RANBP2: variants seen among roughly 807,000 people sequenced by gnomAD.
The protein encoded by RANBP2 is E3 SUMO-protein ligase RanBP2.
In RANBP2, 57 loss-of-function variants were observed where a neutral mutation model predicts 303.6. The ratio of observed to expected loss-of-function variants is 0.19; its 90% confidence interval spans 0.15 to 0.23. RANBP2 has a LOEUF of 0.23. Among genes scored for constraint, RANBP2 ranks in the 10% least tolerant of loss-of-function variants. The probability of loss-of-function intolerance (pLI) is 1.00; values close to 1 mark genes in which losing one functional copy is unlikely to be tolerated. For missense variants in RANBP2, 3,138 were observed against 3,780.8 expected (o/e 0.83, Z 4.46); for synonymous variants, 1,167 against 1,301.5 (o/e 0.90, Z 2.23).
At chr2:108,863,260 C>T in the RANBP2 span, among the ~76,000 whole-genome samples, 2 of 152,248 alleles carry the variant, frequency 1.3e-5, no homozygotes, top group South Asian at 4.1e-4. Context: ...TGCAATATTT[C>T]TAACAAAGCA....
chr2:108,780,093 A>G (rs1263590433), intron 25 of RANBP2, among the ~76,000 whole-genome samples: 1 of 151,932 alleles, frequency 6.6e-6, no homozygotes. Flanking sequence ...TATCCAAGGC[A>G]GTGACAGTCT....
chr2:108,783,333 TAAAAAAA>T (rs71381992), intron 28 of RANBP2, among the ~76,000 whole-genome samples: 218 of 41,418 alleles, frequency 5.3e-3, no homozygotes, highest in African/African-American at 0.013. Flanking sequence ...AGCCTGTCAT[TAAAAAAA>T]AAAAAAAAAA....
chr2:109,019,268 G>T, the RANBP2 span, among the ~76,000 whole-genome samples: 2 of 152,238 alleles, frequency 1.3e-5, no homozygotes, highest in African/African-American at 4.8e-5. Flanking sequence ...GCTCAGCCCA[G>T]TGCTCCTCTG....
the RANBP2 span, among the ~76,000 whole-genome samples, chr2:109,537,095 G>C: frequency 6.6e-6 from 1 of 152,144 alleles, no homozygotes; most frequent in Non-Finnish European, 1.5e-5. Context: ...TGAATGTAAG[G>C]GGATAACTCT....
intron 3 of RANBP2, among the ~76,000 whole-genome samples, chr2:108,731,089 TC>T (rs1341154933): frequency 6.6e-6 from 1 of 152,206 alleles, no homozygotes; most frequent in African/African-American, 2.4e-5. Flanking sequence ...GAAATGGTGT[TC>T]TTTTGTGTTT....
the RANBP2 span, among the ~76,000 whole-genome samples, chr2:109,421,409 G>A: frequency 3.3e-5 from 5 of 152,176 alleles, no homozygotes; most frequent in East Asian, 3.9e-4. Context: ...AGCTTGAGGC[G>A]AGCTCAAGGC....
At chr2:108,856,697 A>T in the RANBP2 span, 1 of 1,114,724 alleles carries the variant, frequency 9.0e-7, no homozygotes, top group Non-Finnish European at 1.3e-6. Context: ...TTGTCTTTTG[A>T]GTTTGTTAAA....
chr2:109,020,368 G>A, the RANBP2 span, among the ~76,000 whole-genome samples: 1 of 152,172 alleles, frequency 6.6e-6, no homozygotes, highest in South Asian at 2.1e-4. Flanking sequence ...AACGAGGGAG[G>A]TCATGGTTAG....
the RANBP2 span, among the ~76,000 whole-genome samples, chr2:109,055,247 C>T: frequency 2.0e-4 from 31 of 152,046 alleles, no homozygotes; most frequent in African/African-American, 6.3e-4. Flanking sequence ...AATTGGGTTG[C>T]TTGTTTTACT....
chr2:109,553,301 T>A, the RANBP2 span: 39 of 1,464,102 alleles, frequency 2.7e-5, no homozygotes, highest in Non-Finnish European at 8.4e-6. Context: ...TCCCAACACT[T>A]TGGGAGGCCG....
rs1357220935 is a variant in RANBP2, at chr2:108,765,836, A to G, written c.5297A>G (p.Glu1766Gly). The G allele has an allele frequency of 1.2e-6, 2 of 1,614,196 alleles. No homozygotes were observed. ...TTAISTPASSEISKAPKSGFE... is the reference protein window; with the variant it reads ...TTAISTPASSGISKAPKSGFE... ...GCAATTTCAACACCTGCCTCTTCGG[A>G]GATAAGCAAGGCTCCAAAGAGTGGA... The change falls in exon 20 of 29, where the codon GAG becomes GGG. Residue 1766 changes from glutamate to glycine, a missense_variant. Glu to Gly is a moderately conservative substitution (Grantham distance 98). Transcript: ENST00000283195.
At chr2:109,384,155 G>A in the RANBP2 span, among the ~76,000 whole-genome samples, 4 of 152,292 alleles carry the variant, frequency 2.6e-5, no homozygotes, top group Admixed American at 1.3e-4. Flanking sequence ...CTTCCAGGCC[G>A]CCTGGGGTCC....
At chr2:109,177,696 C>G in the RANBP2 span, among the ~76,000 whole-genome samples, 1 of 152,154 alleles carries the variant, frequency 6.6e-6, no homozygotes, top group Non-Finnish European at 1.5e-5. Flanking sequence ...AATCTAAAAA[C>G]TCTGAATAAC....
At chr2:109,477,232 C>A in the RANBP2 span, among the ~76,000 whole-genome samples, 241 of 152,338 alleles carry the variant, frequency 1.6e-3, no homozygotes, top group Non-Finnish European at 2.6e-3. Context: ...CACACCCTCA[C>A]GTGGTGACTG....
the RANBP2 span, among the ~76,000 whole-genome samples, chr2:109,380,671 C>T: frequency 3.9e-5 from 6 of 152,182 alleles, no homozygotes; most frequent in Non-Finnish European, 7.3e-5. Flanking sequence ...GGCCACAGCC[C>T]ACCTTAAATG....
At chr2:109,039,974 TATG>T in the RANBP2 span, among the ~76,000 whole-genome samples, 1 of 152,214 alleles carries the variant, frequency 6.6e-6, no homozygotes, top group Non-Finnish European at 1.5e-5. Context: ...ATAATTTTAA[TATG>T]GTCTAATTTG....
chr2:109,272,362 A>T, the RANBP2 span, among the ~76,000 whole-genome samples: 1 of 152,224 alleles, frequency 6.6e-6, no homozygotes, highest in Non-Finnish European at 1.5e-5. Flanking sequence ...AACCCTGAAG[A>T]GCTGGTGCAG....
chr2:109,546,266 T>C, the RANBP2 span: 15 of 1,463,872 alleles, frequency 1.0e-5, no homozygotes, highest in African/African-American at 1.4e-5. Flanking sequence ...TCCCCACTAC[T>C]GACACAGCGC....
the RANBP2 span, among the ~76,000 whole-genome samples, chr2:108,992,290 C>G: frequency 6.6e-6 from 1 of 152,176 alleles, no homozygotes; most frequent in Non-Finnish European, 1.5e-5. Flanking sequence ...ATGAGAACAA[C>G]AGTCAAAATC....
Sources: gnomAD v4.1 joint callset for allele counts (sites outside exome capture counted in the v4.1 genomes callset) on GRCh38, gnomAD v4.1.1 for gene constraint, MANE v1.5 for transcripts, NCBI Gene and HGNC (gene_info 2026-07-23, HGNC 2026-07-21) for gene names.